FANCM: variants seen among roughly 807,000 people sequenced by gnomAD.
FANCM encodes FA complementation group M.
A neutral mutation model predicts 199.5 loss-of-function variants in FANCM; 140 were observed. The ratio of observed to expected loss-of-function variants is 0.70; its 90% CI spans 0.61 to 0.81. The LOEUF is 0.81. Ranked by LOEUF, FANCM falls within the 30% of genes least tolerant of loss-of-function variation. The pLI is 0.00. For missense variants in FANCM, 2,410 were observed against 2,421.4 expected (o/e 1.00, Z 0.10); for synonymous variants, 840 against 836.8 (o/e 1.00, Z -0.07).
chr14:45,192,497 G>A (rs1034033756), intron 20 of FANCM, among the ~76,000 whole-genome samples: 1 of 152,148 alleles, frequency 6.6e-6, no homozygotes. Context: ...CAAAAAATTA[G>A]CCAGACGTGG....
In FANCM at chr14:45,189,334, A is replaced by G; in HGVS notation, c.5312A>G (p.Asp1771Gly). The G allele has an allele frequency of 6.2e-7, 1 of 1,613,588 alleles. No homozygotes were observed. The highest frequency in any genetic ancestry group is 8.5e-7 in the Non-Finnish European group (1 of 1,179,482). ...PPFTTVDSQK[D>G]CRKFPVPQKD... Reference sequence around the variant, plus strand: ...TTCACTACTGTTGATTCACAGAAAGACTGTAGAAAATTTCCAGTTCCACAG... The same window carrying G: ...TTCACTACTGTTGATTCACAGAAAGGCTGTAGAAAATTTCCAGTTCCACAG... Residue 1771 changes from aspartate to glycine, a missense_variant, in exon 20 of 23, where the codon GAC (aspartate) becomes GGC (glycine). By Grantham distance (94) the Asp-to-Gly change is moderately conservative (BLOSUM62 -1). Coordinates refer to ENST00000267430, the MANE Select transcript of FANCM (RefSeq NM_020937.4).
chr14:45,154,778 G>A lies in FANCM; in HGVS notation c.1265G>A (p.Arg422His), dbSNP rs570510177. ...AATCATCTAGAGTGTATGTTTGCAC[G>A]TACACGTAGTACTTCAGCAAATGGT... is the stretch of plus-strand genomic sequence containing the variant. ...LYNHLECMFA[R>H]TRSTSANGIS... Residue 422 changes from arginine to histidine, a missense_variant, in exon 7 of 23, where the codon CGT becomes CAT. Coordinates refer to ENST00000267430, the MANE Select transcript of FANCM (RefSeq NM_020937.4). The A allele has an allele frequency of 4.4e-6, 7 of 1,603,334 alleles. No homozygotes were observed. Among genetic ancestry groups the A allele is most frequent in the Middle Eastern group, 3.4e-4 (2 of 5,864 alleles).
chr14:45,175,022 CTGTTT>C (rs766744924), intron 13 of FANCM, 44 bp from the exon 14 acceptor site: 53 of 1,190,576 alleles, frequency 4.5e-5, no homozygotes, highest in Admixed American at 3.3e-4. Context: ...ATTTGGCTTT[CTGTTT>C]TGTTTTGTTT....
At chr14:45,147,499 T>C (rs1045277992) in intron 3 of FANCM, among the ~76,000 whole-genome samples, 1 of 151,950 alleles carries the variant, frequency 6.6e-6, no homozygotes, top group Non-Finnish European at 1.5e-5. Flanking sequence ...CCCAGGGTGG[T>C]TTCAAATTCC....
rs542632043 is a variant in FANCM at position 45,137,302 on chromosome 14, G to T, written c.681+61G>T. On this transcript the variant is annotated intron_variant, in intron 2 of 22. Coordinates refer to ENST00000267430, the MANE Select transcript of FANCM (RefSeq NM_020937.4). ...CTGTACTGTTAAAGAGAATTTTGGC[G>T]AATAGTTACTAGTGATGGAAGTTAT... is the stretch of plus-strand genomic sequence containing the variant. The T allele has an allele frequency of 5.6e-5, 78 of 1,382,640 alleles. No individual in the cohort carries two copies. The South Asian group carries it at 8.8e-4, about 16-fold the overall frequency. The allele number at this position is 1,382,640 out of a possible 1,614,324, so 85.6% of individuals were successfully genotyped here.
rs763808637 is a variant in FANCM at position 45,176,548 on chromosome 14, A to G, written c.3794A>G (p.Glu1265Gly). Residue 1265 changes from glutamate to glycine, a missense_variant, in exon 14 of 23, where the codon GAA becomes GGA. Transcript: ENST00000267430. ...PLDDLYGRYL[E>G]IKEISDANYV... Reference sequence around the variant, plus strand: ...GATGATCTATATGGAAGGTATTTGGAAATTAAGGAGATAAGTGATGCAAAT... The same window carrying G: ...GATGATCTATATGGAAGGTATTTGGGAATTAAGGAGATAAGTGATGCAAAT... 1.7e-5 allele frequency: 27 copies of G among 1,601,230 alleles called. No individual in the cohort carries two copies. The Admixed American group carries it at 4.6e-4, about 27-fold the overall frequency.
At chr14:45,165,671 T>C (rs1259442198) in intron 10 of FANCM, among the ~76,000 whole-genome samples, 2 of 152,216 alleles carry the variant, frequency 1.3e-5, no homozygotes, top group Non-Finnish European at 2.9e-5. Flanking sequence ...ACATCTAGTT[T>C]ATCCATAAAA....
rs747693010 is a variant in FANCM at position 45,142,308 on chromosome 14, CTTTTTTT to C, written c.759+1609_759+1615del. ...TAATCTGTGATGGTTCCTCTTTTTT[CTTTTTTT>C]TTTTTTTTTGAGACGAAGTCTCGCA... is the stretch of plus-strand genomic sequence containing the variant. On this transcript the variant is annotated intron_variant, in intron 3 of 22. Transcript: ENST00000267430. Among the ~76,000 whole-genome samples the C allele has an allele frequency of 2.6e-4, 36 of 137,632 alleles. No individual in the cohort carries two copies. The East Asian group carries it at 5.9e-3, about 22-fold the overall frequency. The allele number at this position is 137,632 out of a possible 152,430, so 90.3% of individuals were successfully genotyped here.
rs567425336 is a variant in FANCM at position 45,183,827 on chromosome 14, A to G, written c.4440A>G (p.Gln1480=). ...ESENFPKPCS[Q]LEDFKVCNGN... ...AGAATTTTCCCAAACCATGTTCACA[A>G]TTAGAAGACTTCAAGGTTTGTAACG... Residue 1480 remains glutamine (Q), a synonymous_variant, in exon 17 of 23, where the codon CAA becomes CAG. Coordinates refer to ENST00000267430, the MANE Select transcript of FANCM (RefSeq NM_020937.4). 19 of 1,608,510 alleles carry G rather than the reference A, an allele frequency of 1.2e-5. No individual in the cohort carries two copies. The highest frequency in any genetic ancestry group is 1.7e-5 in the Admixed American group (1 of 59,964).
rs151248588 is a variant in FANCM at position 45,137,098 on chromosome 14, A to G, written c.538A>G (p.Ile180Val). 204 of 1,613,484 alleles carry G rather than the reference A, an allele frequency of 1.3e-4. No homozygotes were observed. The highest frequency in any genetic ancestry group is 1.6e-4 in the African/African-American group (12 of 74,912). ...TACACAAGCTTCCACCAGGAAGGAA[A>G]TATGGTGCAGTAAGAGAGTGCTTTT... ...GSTQASTRKE[I>V]WCSKRVLFLT... The change falls in exon 2 of 23, where the codon ATA becomes GTA. Residue 180 changes from isoleucine (I) to valine (V), a missense_variant. Transcript: ENST00000267430.
chr14:45,144,581 C>G (rs888809870), intron 3 of FANCM, among the ~76,000 whole-genome samples: 12 of 152,212 alleles, frequency 7.9e-5, no homozygotes, highest in African/African-American at 2.9e-4. Context: ...CTCACTCTTT[C>G]TTTCCACAGG....
chr14:45,183,396 G>T (rs1480218377), intron 16 of FANCM, among the ~76,000 whole-genome samples: 1 of 151,970 alleles, frequency 6.6e-6, no homozygotes, highest in African/African-American at 2.4e-5. Flanking sequence ...GACTGATTTT[G>T]ATGGCCAAAT....
At chr14:45,152,912 A>G (rs923751656) in intron 5 of FANCM, among the ~76,000 whole-genome samples, 3 of 152,216 alleles carry the variant, frequency 2.0e-5, no homozygotes, top group Non-Finnish European at 4.4e-5. Flanking sequence ...CTTTAAAAAG[A>G]TGTTTTGATT....
intron 8 of FANCM, among the ~76,000 whole-genome samples, chr14:45,156,223 G>T (rs1485345998): frequency 6.6e-6 from 1 of 152,168 alleles, no homozygotes. Context: ...AGATTCAAAG[G>T]CCTTGAGGTG....
intron 5 of FANCM, among the ~76,000 whole-genome samples, chr14:45,153,520 T>G (rs1284919665): frequency 6.6e-6 from 1 of 152,246 alleles, no homozygotes; most frequent in Admixed American, 6.5e-5. Flanking sequence ...ATTTCCATTG[T>G]ATCTAGCTCA....
intron 11 of FANCM, 138 bp downstream of exon 11, chr14:45,167,301 G>C (rs550958601): frequency 8.1e-5 from 55 of 675,462 alleles, no homozygotes; most frequent in Non-Finnish European, 1.4e-4. Context: ...CTTTGGAAAG[G>C]CTGTACGAGA....
At chr14:45,145,580 A>G (rs910351710) in intron 3 of FANCM, among the ~76,000 whole-genome samples, 1 of 152,090 alleles carries the variant, frequency 6.6e-6, no homozygotes, top group African/African-American at 2.4e-5. Context: ...TTCTTTCTCC[A>G]CACCACAGGG....
intron 3 of FANCM, 29 bp downstream of exon 3, chr14:45,140,738 A>G: frequency 5.0e-6 from 7 of 1,396,010 alleles, no homozygotes; most frequent in Non-Finnish European, 7.1e-6. Context: ...CATTTATTAC[A>G]GTTAAGAAAA....
chr14:45,169,487 C>A (rs1566755054), intron 11 of FANCM, among the ~76,000 whole-genome samples: 2 of 151,410 alleles, frequency 1.3e-5, no homozygotes, highest in South Asian at 4.2e-4. Context: ...CATGAAGCCT[C>A]AACTCCTGGG....
Sources: allele counts gnomAD v4.1 joint callset (sites outside exome capture counted in the v4.1 genomes callset), GRCh38; gene constraint gnomAD v4.1.1; transcripts MANE v1.5; gene names NCBI Gene and HGNC (gene_info 2026-07-23, HGNC 2026-07-21).